AIFM3: variants seen among roughly 807,000 people sequenced by gnomAD.
AIFM3 encodes the protein AIF family member 3.
Under a neutral mutation model 82.7 loss-of-function variants are expected in AIFM3, and 71 were observed. The observed-to-expected ratio is 0.86, with a 90% CI of 0.71 to 1.05. The LOEUF (loss-of-function observed/expected upper bound fraction) is 1.05. Among genes scored for constraint, AIFM3 ranks in the 50% least tolerant of loss-of-function variants. AIFM3 has a pLI of 0.00. For synonymous variants in AIFM3, 337 were observed against 329.1 expected (o/e 1.02, Z -0.26); for missense variants, 748 against 816.7 (o/e 0.92, Z 1.03).
At position 20,979,630 on chromosome 22, in the gene AIFM3, A is replaced by G. The variant is rs747798414; in HGVS notation, c.1580A>G (p.Tyr527Cys). The G allele has an allele frequency of 3.7e-5, 60 of 1,614,030 alleles. No homozygotes were observed. The highest frequency in any genetic ancestry group is 4.7e-5 in the Non-Finnish European group (56 of 1,180,024). ...MFGKSLRYAG[Y>C]GEGFDDVIIQ... Reference sequence around the variant, plus strand: ...CACCCACCTGCCCGGCCCACAGGCTACGGAGAAGGCTTCGACGACGTCATC... The same window carrying G: ...CACCCACCTGCCCGGCCCACAGGCTGCGGAGAAGGCTTCGACGACGTCATC... The change falls in exon 18 of 21, where the codon TAC (tyrosine) becomes TGC (cysteine). Residue 527 changes from tyrosine (Y) to cysteine (C), a missense_variant. Physicochemically the swap from Tyr to Cys is radical, Grantham distance 194. Around this residue, in one of 5 missense-constraint regions of AIFM3, gnomAD observed 183 missense variants for 158.2 expected, o/e 1.16. Transcript: ENST00000440238.
At chr22:20,966,668 T>G (rs1922910556), upstream of AIFM3, 1 of 152,306 alleles carries the variant, frequency 6.6e-6, no homozygotes, top group African/African-American at 2.4e-5. Context: ...GCCTGTGCCC[T>G]GGGCCTTCCA....
At chr22:20,971,914 G>A (rs922215133) in intron 2 of AIFM3, among the ~76,000 whole-genome samples, 2 of 151,834 alleles carry the variant, frequency 1.3e-5, no homozygotes, top group South Asian at 2.1e-4. Flanking sequence ...CTCACTCCCC[G>A]CTAGAGCTGG....
At chr22:20,967,380 A>C in intron 1 of AIFM3, 77 bp downstream of exon 1, 1 of 154,334 alleles carries the variant, frequency 6.5e-6, no homozygotes, top group Non-Finnish European at 1.4e-5. Context: ...AGGAGGGAGA[A>C]GACCAAGGAT....
At chr22:20,979,525 G>T in intron 17 of AIFM3, 102 bp from the exon 18 acceptor site, 5 of 1,498,394 alleles carry the variant, frequency 3.3e-6, no homozygotes, top group Non-Finnish European at 4.6e-6. Context: ...CTACCTAAAA[G>T]GACGTATGGA....
In AIFM3 at chr22:20,974,240, C is replaced by T; in HGVS notation, c.466-12C>T. ...GGTTCGGGGCTGGTCCTGAGCAATGCAGCCCTTGCAGGTGAAGATTGAGAA... is the reference window on the plus strand; with the variant it reads ...GGTTCGGGGCTGGTCCTGAGCAATGTAGCCCTTGCAGGTGAAGATTGAGAA... On this transcript the variant is annotated splice_polypyrimidine_tract_variant and intron_variant, in intron 5 of 20. Transcript: ENST00000440238. The T allele has an allele frequency of 6.2e-7, 1 of 1,613,846 alleles. No individual in the cohort carries two copies. Among genetic ancestry groups the T allele is most frequent in the Non-Finnish European group, 8.5e-7 (1 of 1,179,986 alleles).
At chr22:20,969,022 T>C (rs1923100309) in intron 2 of AIFM3, among the ~76,000 whole-genome samples, 1 of 152,202 alleles carries the variant, frequency 6.6e-6, no homozygotes, top group African/African-American at 2.4e-5. Flanking sequence ...TCCTGTGCTG[T>C]GGACACCTAG....
At chr22:20,980,947 G>A in intron 20 of AIFM3, 45 bp from the exon 21 acceptor site, 1 of 1,614,004 alleles carries the variant, frequency 6.2e-7, no homozygotes, top group Non-Finnish European at 8.5e-7. Flanking sequence ...AGAGTGGAGA[G>A]CCTGTTTTCT....
intron 16 of AIFM3, 142 bp from the exon 17 acceptor site, chr22:20,979,122 AGCAGTGG>A (rs1923890095): frequency 1.3e-6 from 1 of 788,146 alleles, no homozygotes. Flanking sequence ...GGTGCAAGTG[AGCAGTGG>A]GCTGAACAAT....
At position 20,975,328 on chromosome 22, in the gene AIFM3, C is replaced by T. The variant is rs7289386; in HGVS notation, c.721-364C>T. On this transcript the variant is annotated intron_variant, in intron 8 of 20. Transcript: ENST00000440238. The stretch of plus-strand genomic sequence containing the variant: ...AGGCTGGAGAGCAGTGCCTGTCTCA[C>T]GGCTCACTGCAGCGTCGACCTCCAC... Among the ~76,000 whole-genome samples, 981 of 152,012 alleles carry T rather than the reference C, an allele frequency of 6.5e-3. 10 individuals are homozygous for T. The highest frequency in any genetic ancestry group is 0.023 in the African/African-American group (934 of 41,426).
intron 5 of AIFM3, 28 bp downstream of exon 5, chr22:20,974,200 A>G (rs759795146): frequency 9.9e-6 from 16 of 1,613,494 alleles, no homozygotes; most frequent in Non-Finnish European, 1.2e-5. Context: ...ATGGGGTGGG[A>G]ACCTGGGGGT....
chr22:20,980,912 C>G (rs1161705396), intron 20 of AIFM3, 80 bp from the exon 21 acceptor site: 6 of 1,609,276 alleles, frequency 3.7e-6, no homozygotes, highest in Non-Finnish European at 5.1e-6. Flanking sequence ...CTGCTGTCCT[C>G]AAGGGCCAGC....
At position 20,979,111 on chromosome 22, in the gene AIFM3, A is replaced by C. The variant is rs546046021; in HGVS notation, c.1478-160A>C. The stretch of plus-strand genomic sequence containing the variant: ...GTGTTCCCCTGCACCAGTCAGCTGC[A>C]GGTGCAAGTGAGCAGTGGGCTGAAC... On this transcript the variant is annotated intron_variant, in intron 16 of 20. Transcript: ENST00000440238. Among the ~76,000 whole-genome samples the C allele has an allele frequency of 1.9e-4, 29 of 152,358 alleles. No individual in the cohort carries two copies. In the South Asian group the frequency reaches 6.0e-3, roughly 32 times the overall value.
chr22:20,973,080 G>T (rs922828348), intron 2 of AIFM3, among the ~76,000 whole-genome samples: 1 of 150,904 alleles, frequency 6.6e-6, no homozygotes, highest in Non-Finnish European at 1.5e-5. Context: ...ATGCAGAAAC[G>T]AATTCAAGCA....
chr22:20,965,325 C>T (rs911960442), upstream of AIFM3: 2 of 151,802 alleles, frequency 1.3e-5, no homozygotes, highest in Non-Finnish European at 2.9e-5. Flanking sequence ...GACCCCGGCC[C>T]GGCACGTTAG....
At chr22:20,979,592 C>T (rs751588677) in intron 17 of AIFM3, 35 bp from the exon 18 acceptor site, 16 of 1,612,646 alleles carry the variant, frequency 9.9e-6, no homozygotes, top group African/African-American at 1.3e-5. Flanking sequence ...CCTCCCCCGG[C>T]TCACGTGGGT....
At position 20,973,288 on chromosome 22, in the gene AIFM3, G is replaced by GGCGCT; in HGVS notation, c.32-16_32-12dup. ...AAGTTGGCTGAGGTGGGGGGCTCAAGGCGCTGCCTTGCCCACAGTGGAGCT... is the reference window on the plus strand; with the variant it reads ...AAGTTGGCTGAGGTGGGGGGCTCAAGGCGCTGCGCTGCCTTGCCCACAGTGGAGCT... On this transcript the variant is annotated intron_variant, in intron 2 of 20. Transcript: ENST00000440238. 1 of 1,559,026 alleles carries GGCGCT rather than the reference G, an allele frequency of 6.4e-7. No homozygotes were observed. The highest frequency in any genetic ancestry group is 1.4e-5 in the African/African-American group (1 of 73,650).
chr22:20,974,050 C>A lies in AIFM3; in HGVS notation c.356-13C>A. 6.3e-7 allele frequency: 1 copy of A among 1,596,904 alleles called. No individual in the cohort carries two copies. The highest frequency in any genetic ancestry group is 1.3e-5 in the African/African-American group (1 of 74,874). ...CCTGCTGGTGGGCGCAGCCTAACAC[C>A]TCCCCTTCCCAGGCGTTCTGTCCCG... is the stretch of plus-strand genomic sequence containing the variant. On this transcript the variant is annotated splice_polypyrimidine_tract_variant and intron_variant, in intron 4 of 20. Coordinates refer to ENST00000440238, the MANE Select transcript of AIFM3 (RefSeq NM_001386814.1).
Position 20,968,745 on chromosome 22 carries a change from A to G in AIFM3, c.31+770A>G, listed in dbSNP as rs78280786. Among the ~76,000 whole-genome samples the G allele has an allele frequency of 2.8e-3, 428 of 152,166 alleles. 3 individuals carry two copies. Among genetic ancestry groups the G allele is most frequent in the African/African-American group, 9.9e-3 (410 of 41,496 alleles). On this transcript the variant is annotated intron_variant, in intron 2 of 20. Transcript: ENST00000440238. The stretch of plus-strand genomic sequence containing the variant: ...CACAGGTGGAGAAACTGAGGCTTAG[A>G]GAGACCTCAAGAGCGCAGCCAGTGC...
chr22:20,968,018 C>T (rs1402743716), intron 2 of AIFM3, 43 bp downstream of exon 2: 13 of 1,573,342 alleles, frequency 8.3e-6, no homozygotes, highest in Middle Eastern at 1.7e-4. Context: ...CCTCCCTCCC[C>T]GCCTCCTCCT....
Sources: gnomAD v4.1 joint callset for allele counts (sites outside exome capture counted in the v4.1 genomes callset) on GRCh38, gnomAD v4.1.1 for gene constraint, gnomAD v4.1.1 regional missense constraint, MANE v1.5 for transcripts, NCBI Gene and HGNC (gene_info 2026-07-23, HGNC 2026-07-21) for gene names.